The following CREB5 variants were observed in gnomAD, a reference collection of about 807,000 sequenced individuals.
The protein encoded by CREB5 is cAMP responsive element binding protein 5.
A neutral mutation model predicts 57.1 loss-of-function variants in CREB5; 19 were observed. The observed-to-expected ratio is 0.33, with a 90% CI of 0.23 to 0.49. The LOEUF (loss-of-function observed/expected upper bound fraction) is 0.49. Ranked by LOEUF, CREB5 falls within the 20% of genes least tolerant of loss-of-function variation. The pLI is 0.99. For missense variants in CREB5, 579 were observed against 671.6 expected, an observed-to-expected ratio of 0.86 and a Z score of 1.52; for synonymous variants, 238 against 238.3, an observed-to-expected ratio of 1.00 and a Z score of 0.01.
At chr7:28,571,513 A>G (rs1443933843) in intron 5 of CREB5, among the ~76,000 whole-genome samples, 2 of 152,324 alleles carry the variant, frequency 1.3e-5, no homozygotes, top group Non-Finnish European at 1.5e-5. Context: ...CAAATGGTCA[A>G]TACTGAGGCA....
chr7:28,558,226 A>G (rs1401423618), intron 4 of CREB5, among the ~76,000 whole-genome samples: 1 of 152,222 alleles, frequency 6.6e-6, no homozygotes, highest in Admixed American at 6.5e-5. Flanking sequence ...AAGAAAAAAG[A>G]AATACTGTTA....
intron 7 of CREB5, among the ~76,000 whole-genome samples, chr7:28,776,751 C>A (rs540400576): frequency 9.9e-5 from 15 of 152,210 alleles, no homozygotes; most frequent in African/African-American, 3.4e-4. Context: ...TCTGTCTCTA[C>A]GGATTGCCTC....
intron 7 of CREB5, among the ~76,000 whole-genome samples, chr7:28,769,608 G>C (rs1412230702): frequency 2.0e-5 from 3 of 152,200 alleles, no homozygotes; most frequent in Admixed American, 1.3e-4. Context: ...TGAGTTAACT[G>C]TACCTTCCGG....
At chr7:28,570,116 G>A (rs1175188526) in intron 4 of CREB5, among the ~76,000 whole-genome samples, 1 of 152,188 alleles carries the variant, frequency 6.6e-6, no homozygotes, top group Non-Finnish European at 1.5e-5. Context: ...CTCACATCAG[G>A]ATGGCAGCAG....
rs1045553405 is a variant in CREB5, at chr7:28,422,334, A to G, written c.3+9417A>G. On this transcript the variant is annotated intron_variant, in intron 1 of 10. Coordinates refer to ENST00000357727, the MANE Select transcript of CREB5 (RefSeq NM_182898.4). ...AGAATTTTGGAACAAGTAGACCTAT[A>G]CATCAATGGAAAGGACTGTCTCAGA... is the stretch of plus-strand genomic sequence containing the variant. Among the ~76,000 whole-genome samples the G allele has an allele frequency of 3.9e-5, 6 of 152,126 alleles. No homozygotes were observed. In the East Asian group the frequency reaches 1.2e-3, roughly 29 times the overall value.
intron 5 of CREB5, among the ~76,000 whole-genome samples, chr7:28,676,489 T>G (rs910930316): frequency 3.3e-5 from 5 of 152,228 alleles, no homozygotes; most frequent in Admixed American, 2.6e-4. Context: ...GCGATCCTCA[T>G]TCTCCTTCCT....
chr7:28,545,896 C>A (rs1794400651), intron 4 of CREB5, among the ~76,000 whole-genome samples: 2 of 152,010 alleles, frequency 1.3e-5, no homozygotes, highest in South Asian at 2.1e-4. Context: ...TTAAAGATTT[C>A]TTTTTGTTGC....
intron 1 of CREB5, among the ~76,000 whole-genome samples, chr7:28,464,948 A>G (rs6462088): frequency 0.4 from 60,978 of 152,050 alleles, 13,228 homozygotes; most frequent in East Asian, 0.62. Flanking sequence ...ATATGATTAT[A>G]TAATTGGTAT....
chr7:28,662,679 G>C (rs1799657771), intron 5 of CREB5, among the ~76,000 whole-genome samples: 1 of 152,196 alleles, frequency 6.6e-6, no homozygotes, highest in Non-Finnish European at 1.5e-5. Context: ...AATATGCTGG[G>C]AGGCGCTGAG....
chr7:28,518,782 T>G (rs1360292997), intron 4 of CREB5, among the ~76,000 whole-genome samples: 2 of 152,180 alleles, frequency 1.3e-5, no homozygotes, highest in Non-Finnish European at 2.9e-5. Context: ...TCCTGTGCGA[T>G]CCACACTCCC....
At chr7:28,676,330 G>A (rs1241997342) in intron 5 of CREB5, among the ~76,000 whole-genome samples, 2 of 152,146 alleles carry the variant, frequency 1.3e-5, no homozygotes, top group African/African-American at 4.8e-5. Context: ...TGTGTGTGCT[G>A]TCTGTCTCCG....
intron 1 of CREB5, among the ~76,000 whole-genome samples, chr7:28,374,017 A>G (rs1786771555): frequency 1.3e-5 from 2 of 152,126 alleles, no homozygotes; most frequent in African/African-American, 4.8e-5. Flanking sequence ...TACCAAGGTT[A>G]CCACTGGTCA....
intron 7 of CREB5, among the ~76,000 whole-genome samples, chr7:28,743,424 T>C (rs1285333797): frequency 6.6e-6 from 1 of 152,002 alleles, no homozygotes; most frequent in Non-Finnish European, 1.5e-5. Context: ...TCCCAGCTAC[T>C]TGGGAGGCTG....
chr7:28,751,753 A>G (rs535458197), intron 7 of CREB5, among the ~76,000 whole-genome samples: 99 of 152,372 alleles, frequency 6.5e-4, no homozygotes, highest in African/African-American at 2.2e-3. Flanking sequence ...GTGCAATGTT[A>G]TTAACTAAAC....
At position 28,507,606 on chromosome 7, in the gene CREB5, C is replaced by CT. The variant is rs1792532970; in HGVS notation, c.170-9dup. The CT allele has an allele frequency of 6.2e-7, 1 of 1,605,718 alleles. No individual in the cohort carries two copies. Among genetic ancestry groups the CT allele is most frequent in the Non-Finnish European group, 8.5e-7 (1 of 1,173,938 alleles). On this transcript the variant is annotated splice_polypyrimidine_tract_variant and intron_variant, in intron 3 of 10. Transcript: ENST00000357727. Reference sequence around the variant, plus strand: ...AGACCCATTTATGAGCTCTCCGACTCTGTTTTCAGATCAAACTCCGACCCC... The same window carrying CT: ...AGACCCATTTATGAGCTCTCCGACTCTTGTTTTCAGATCAAACTCCGACCCC...
intron 4 of CREB5, among the ~76,000 whole-genome samples, chr7:28,544,837 T>C (rs1794355630): frequency 1.3e-5 from 2 of 151,638 alleles, no homozygotes; most frequent in Admixed American, 6.6e-5. Flanking sequence ...AATGGGAGAG[T>C]ATGGGACGGA....
intron 5 of CREB5, among the ~76,000 whole-genome samples, chr7:28,677,232 T>C (rs1800362700): frequency 6.6e-6 from 1 of 152,336 alleles, no homozygotes; most frequent in East Asian, 1.9e-4. Flanking sequence ...TCCATGACCA[T>C]AGGATGACCA....
intron 4 of CREB5, among the ~76,000 whole-genome samples, chr7:28,560,903 C>CGTGCGTGCGTGCGTGCGCGTGCGT (rs1477125869): frequency 3.8e-5 from 1 of 26,132 alleles, no homozygotes; most frequent in African/African-American, 1.5e-4. Context: ...TGTGCGTGCG[C>CGTGCGTGCGTGCGTGCGCGTGCGT]GCGTGCGTGT....
At chr7:28,590,075 TG>T in intron 5 of CREB5, among the ~76,000 whole-genome samples, 1 of 148,446 alleles carries the variant, frequency 6.7e-6, no homozygotes, top group South Asian at 2.1e-4. Context: ...TTTACACTGT[TG>T]GTGGGACTGT....
Sources: allele counts gnomAD v4.1 joint callset (sites outside exome capture counted in the v4.1 genomes callset), GRCh38; gene constraint gnomAD v4.1.1; transcripts MANE v1.5; gene names NCBI Gene and HGNC (gene_info 2026-07-23, HGNC 2026-07-21).